The following SPON1 variants were observed in gnomAD, a reference collection of about 807,000 sequenced individuals.
The protein encoded by SPON1 is spondin-1.
SPON1 carries 52 observed loss-of-function variants against 111.7 expected under a neutral mutation model. That is an observed-to-expected ratio of 0.47 (90% CI 0.37 to 0.59). The LOEUF (loss-of-function observed/expected upper bound fraction) is 0.59. Among genes scored for constraint, SPON1 ranks in the 20% least tolerant of loss-of-function variants. The pLI, the probability that SPON1 is intolerant of heterozygous loss-of-function variation, is 0.00. For synonymous variants in SPON1, 410 were observed against 395.8 expected (o/e 1.04, Z -0.43); for missense variants, 957 against 1,068.5 (o/e 0.90, Z 1.46).
At chr11:14,080,133 G>A (rs2133832264) in intron 5 of SPON1, 112 bp downstream of exon 5, 1 of 1,282,842 alleles carries the variant, frequency 7.8e-7, no homozygotes, top group Non-Finnish European at 1.1e-6. Context: ...GTATTGGCTG[G>A]TTCATGAAAT....
Position 14,265,547 on chromosome 11 carries a change from G to A in SPON1, c.2284G>A (p.Ala762Thr), listed in dbSNP as rs782679785. ...FPGCRMRPWT[A>T]WSECTKLCGG... is the part of the protein sequence containing the mutation. ...AGGTTGTAGGATGCGCCCATGGACG[G>A]CCTGGTCAGAATGCACCAAACTGTG... The change falls in exon 16 of 16, where the codon GCC becomes ACC. Residue 762 changes from alanine to threonine, a missense_variant. By Grantham distance (58) the Ala-to-Thr change is moderately conservative. Coordinates refer to ENST00000576479, the MANE Select transcript of SPON1 (RefSeq NM_006108.4). 6.2e-7 allele frequency: 1 copy of A among 1,613,410 alleles called. No individual in the cohort carries two copies.
intron 5 of SPON1, among the ~76,000 whole-genome samples, chr11:14,126,454 A>T (rs1223288805): frequency 6.6e-6 from 1 of 152,188 alleles, no homozygotes; most frequent in African/African-American, 2.4e-5. Context: ...ACTCAAAATT[A>T]TCTCCCTGGA....
intron 3 of SPON1, among the ~76,000 whole-genome samples, chr11:14,057,843 A>AG (rs1491268892): frequency 9.8e-5 from 11 of 112,446 alleles, no homozygotes; most frequent in South Asian, 2.9e-4. Context: ...AAAAAAAAAA[A>AG]CAAAACAAAA....
intron 6 of SPON1, among the ~76,000 whole-genome samples, chr11:14,172,789 A>C (rs1848122394): frequency 6.6e-6 from 1 of 151,914 alleles, no homozygotes; most frequent in East Asian, 1.9e-4. Flanking sequence ...TGGGTTGAAA[A>C]TTCTTTTCTT....
chr11:14,027,661 G>T (rs554168119), intron 2 of SPON1, among the ~76,000 whole-genome samples: 30 of 152,266 alleles, frequency 2.0e-4, no homozygotes, highest in African/African-American at 7.0e-4. Flanking sequence ...ATATAAAAAG[G>T]CTTCCCAAAC....
intron 6 of SPON1, among the ~76,000 whole-genome samples, chr11:14,220,138 C>T (rs1174134710): frequency 2.6e-5 from 4 of 151,688 alleles, no homozygotes; most frequent in East Asian, 1.9e-4. Flanking sequence ...TGTTGCCCCA[C>T]GCCCATAAGT....
intron 6 of SPON1, among the ~76,000 whole-genome samples, chr11:14,179,905 G>A (rs1848219629): frequency 6.6e-6 from 1 of 152,054 alleles, no homozygotes; most frequent in East Asian, 1.9e-4. Context: ...ATGATGAAAT[G>A]TATTTGTCTC....
At chr11:14,142,184 C>T (rs1289316503) in intron 6 of SPON1, among the ~76,000 whole-genome samples, 1 of 152,130 alleles carries the variant, frequency 6.6e-6, no homozygotes, top group Non-Finnish European at 1.5e-5. Flanking sequence ...CAGAGCCTGC[C>T]CTTAGAAAGA....
At chr11:14,160,805 T>C (rs1847926270) in intron 6 of SPON1, among the ~76,000 whole-genome samples, 1 of 53,546 alleles carries the variant, frequency 1.9e-5, no homozygotes, top group Admixed American at 3.7e-4. Flanking sequence ...TATATTTTTA[T>C]ATATATTTTT....
intron 3 of SPON1, among the ~76,000 whole-genome samples, chr11:14,055,342 G>A (rs548204773): frequency 1.3e-5 from 2 of 152,322 alleles, no homozygotes; most frequent in Middle Eastern, 3.4e-3. Flanking sequence ...TGAAATTAAA[G>A]TTTGATAGAG....
At chr11:13,982,306 A>G (rs1554909764) in intron 1 of SPON1, among the ~76,000 whole-genome samples, 1 of 152,174 alleles carries the variant, frequency 6.6e-6, no homozygotes, top group Non-Finnish European at 1.5e-5. Context: ...GCTACTGTAT[A>G]TCATGTCTGT....
At position 14,226,492 on chromosome 11, in the gene SPON1, T is replaced by A. The variant is rs781977847; in HGVS notation, c.826-16840T>A. On this transcript the variant is annotated intron_variant, in intron 6 of 15. Coordinates refer to ENST00000576479, the MANE Select transcript of SPON1 (RefSeq NM_006108.4). ...TGGGAGCTGTGGTTCACTGTTGCTG[T>A]CCAGCACCACAAGAGTATCATATCA... Among the ~76,000 whole-genome samples, 93 of 152,226 alleles carry A rather than the reference T, an allele frequency of 6.1e-4. 3 individuals are homozygous for A. The highest frequency in any genetic ancestry group is 1.2e-3 in the Admixed American group (19 of 15,274).
chr11:14,265,225 T>G (rs1393118832), intron 15 of SPON1, among the ~76,000 whole-genome samples: 1 of 152,160 alleles, frequency 6.6e-6, no homozygotes, highest in Non-Finnish European at 1.5e-5. Flanking sequence ...CCTAGCAGCT[T>G]TTAGGCCTGT....
At chr11:14,201,366 A>AC (rs1554935619) in intron 6 of SPON1, among the ~76,000 whole-genome samples, 1 of 150,154 alleles carries the variant, frequency 6.7e-6, no homozygotes, top group Non-Finnish European at 1.5e-5. Flanking sequence ...AAAAAAACAA[A>AC]AAAAACTACC....
At chr11:14,245,448 T>A (rs1372012382) in intron 7 of SPON1, among the ~76,000 whole-genome samples, 1 of 152,060 alleles carries the variant, frequency 6.6e-6, no homozygotes, top group African/African-American at 2.4e-5. Flanking sequence ...CCTGAATATA[T>A]AAAATATAAT....
At chr11:13,988,911 G>T (rs1554910757) in intron 2 of SPON1, among the ~76,000 whole-genome samples, 3 of 152,154 alleles carry the variant, frequency 2.0e-5, no homozygotes, top group African/African-American at 7.2e-5. Flanking sequence ...CTTGATCGTG[G>T]TGGATAAGCT....
chr11:14,111,564 T>C (rs1849227054), intron 5 of SPON1, among the ~76,000 whole-genome samples: 1 of 152,204 alleles, frequency 6.6e-6, no homozygotes, highest in African/African-American at 2.4e-5. Flanking sequence ...ACAAAACTGC[T>C]GAAGCTAACA....
chr11:14,221,102 C>A (rs559478659), intron 6 of SPON1, among the ~76,000 whole-genome samples: 1 of 152,312 alleles, frequency 6.6e-6, no homozygotes, highest in South Asian at 2.1e-4. Context: ...TTCATTTATT[C>A]ACTTACTCGT....
chr11:14,133,930 C>T (rs561323566), intron 5 of SPON1, among the ~76,000 whole-genome samples: 6 of 152,264 alleles, frequency 3.9e-5, no homozygotes, highest in East Asian at 1.9e-4. Flanking sequence ...CAGGAAGGTG[C>T]GGCCTGGCTT....
Sources: gnomAD v4.1 joint callset for allele counts (sites outside exome capture counted in the v4.1 genomes callset) on GRCh38, gnomAD v4.1.1 for gene constraint, MANE v1.5 for transcripts, NCBI Gene and HGNC (gene_info 2026-07-23, HGNC 2026-07-21) for gene names.